The following VWC2L variants were observed in gnomAD, a reference collection of about 807,000 sequenced individuals.
VWC2L encodes the protein von Willebrand factor C domain-containing protein 2-like.
Under a neutral mutation model 21.6 loss-of-function variants are expected in VWC2L, and 10 were observed. The observed-to-expected ratio is 0.46, with a 90% CI of 0.29 to 0.78. The LOEUF (loss-of-function observed/expected upper bound fraction) is 0.78. Among genes scored for constraint, VWC2L ranks in the 30% least tolerant of loss-of-function variants. VWC2L has a pLI of 0.10. For synonymous variants in VWC2L, 96 were observed against 94.3 expected (o/e 1.02, Z -0.10); for missense variants, 209 against 277.1 (o/e 0.75, Z 1.74).
chr2:214,540,805 C>A (rs1258829610), intron 3 of VWC2L, among the ~76,000 whole-genome samples: 2 of 152,168 alleles, frequency 1.3e-5, no homozygotes, highest in African/African-American at 4.8e-5. Flanking sequence ...GGACTTGGGA[C>A]AGATTTCATG....
intron 2 of VWC2L, among the ~76,000 whole-genome samples, chr2:214,417,393 T>C (rs1403615903): frequency 6.6e-6 from 1 of 152,176 alleles, no homozygotes; most frequent in African/African-American, 2.4e-5. Context: ...GAAATCCCAA[T>C]ATAACTCCCA....
chr2:214,573,993 T>G lies in VWC2L; in HGVS notation c.521-1679T>G, dbSNP rs1035142173. Among the ~76,000 whole-genome samples the G allele has an allele frequency of 2.6e-5, 4 of 152,058 alleles. 1 individual carries two copies. The highest frequency in any genetic ancestry group is 1.3e-4 in the Admixed American group (2 of 15,244). On this transcript the variant is annotated intron_variant, in intron 3 of 3. Coordinates refer to ENST00000312504, the MANE Select transcript of VWC2L (RefSeq NM_001080500.4). ...TCATCTCTACTAAAAATACAAAAAA[T>G]TAGCCAGGTGTGATGGCGCTTGCCT...
chr2:214,479,309 A>G (rs866343943), intron 3 of VWC2L, among the ~76,000 whole-genome samples: 7 of 152,146 alleles, frequency 4.6e-5, no homozygotes, highest in Non-Finnish European at 7.4e-5. Context: ...TTTGATAGTC[A>G]TAGTGTTTAT....
At chr2:214,430,904 A>G (rs1702592440) in intron 2 of VWC2L, among the ~76,000 whole-genome samples, 1 of 152,196 alleles carries the variant, frequency 6.6e-6, no homozygotes. Flanking sequence ...CTTGATGTCC[A>G]TAATTTGATG....
At chr2:214,533,851 CAG>C (rs1434550709) in intron 3 of VWC2L, 1 of 152,174 alleles carries the variant, frequency 6.6e-6, no homozygotes, top group African/African-American at 2.4e-5. Context: ...TAACAGCAGT[CAG>C]AGTTTAGCCA....
At chr2:214,429,785 A>G (rs1702573075) in intron 2 of VWC2L, among the ~76,000 whole-genome samples, 1 of 152,004 alleles carries the variant, frequency 6.6e-6, no homozygotes, top group African/African-American at 2.4e-5. Flanking sequence ...ACTAAAGTAT[A>G]TTTTTAAAAC....
chr2:214,482,499 A>C (rs116476849), intron 3 of VWC2L, among the ~76,000 whole-genome samples: 1,800 of 150,914 alleles, frequency 0.012, 27 homozygotes, highest in African/African-American at 0.042. Flanking sequence ...ATGTATGTAT[A>C]TATATGTGTG....
intron 3 of VWC2L, among the ~76,000 whole-genome samples, chr2:214,529,420 C>G (rs1689397046): frequency 1.3e-5 from 2 of 152,136 alleles, no homozygotes; most frequent in Middle Eastern, 3.2e-3. Flanking sequence ...TGAACAGTTC[C>G]TGGTTCATGG....
At chr2:214,449,989 C>T (rs1024973103) in intron 3 of VWC2L, among the ~76,000 whole-genome samples, 1 of 152,104 alleles carries the variant, frequency 6.6e-6, no homozygotes. Context: ...AGATAGTTGG[C>T]AGTGTTGCGT....
Position 214,436,583 on chromosome 2 carries a change from C to A in VWC2L, c.391-46C>A, listed in dbSNP as rs1410922858. The A allele has an allele frequency of 1.9e-6, 3 of 1,604,284 alleles. No homozygotes were observed. In the African/African-American group the frequency reaches 4.0e-5, roughly 21 times the overall value. ...TTCTGACAGCATATGAATGTGCAAG[C>A]ATTAAGTTATAGGAGAAAAGGGGCT... On this transcript the variant is annotated intron_variant, in intron 2 of 3. Transcript: ENST00000312504.
At chr2:214,553,298 T>C (rs899426070) in intron 3 of VWC2L, among the ~76,000 whole-genome samples, 2 of 152,244 alleles carry the variant, frequency 1.3e-5, no homozygotes, top group Non-Finnish European at 2.9e-5. Flanking sequence ...TGATGGCCTA[T>C]GACACAGCCC....
chr2:214,515,439 A>C (rs2105908056), intron 3 of VWC2L, among the ~76,000 whole-genome samples: 1 of 152,358 alleles, frequency 6.6e-6, no homozygotes, highest in South Asian at 2.1e-4. Flanking sequence ...GTATCACAGC[A>C]TCTTCCTACT....
intron 3 of VWC2L, among the ~76,000 whole-genome samples, chr2:214,458,272 G>A (rs1326762638): frequency 3.9e-5 from 6 of 151,904 alleles, no homozygotes; most frequent in Admixed American, 3.3e-4. Flanking sequence ...TGTAGTATCA[G>A]TTGTAATGTT....
chr2:214,519,056 G>A (rs1689190090), intron 3 of VWC2L, among the ~76,000 whole-genome samples: 2 of 152,154 alleles, frequency 1.3e-5, no homozygotes, highest in Non-Finnish European at 2.9e-5. Flanking sequence ...TTTTCAGGTT[G>A]CTTATACAAA....
chr2:214,522,522 T>G (rs928206303), intron 3 of VWC2L, among the ~76,000 whole-genome samples: 4 of 152,154 alleles, frequency 2.6e-5, no homozygotes, highest in African/African-American at 9.7e-5. Flanking sequence ...AGAAGATGTT[T>G]CGTTACAGGC....
At chr2:214,516,675 AGCTGGGGAAGAAATGTATATAAAG>A (rs1462303576) in intron 3 of VWC2L, among the ~76,000 whole-genome samples, 2 of 150,898 alleles carry the variant, frequency 1.3e-5, no homozygotes, top group African/African-American at 4.9e-5. Flanking sequence ...AAAAAAAGGA[AGCTGGGGAAGAAATGTATATAAAG>A]CTAGTTCAAC....
rs1690225015 is a variant in VWC2L at position 214,576,089 on chromosome 2, A to C, written c.*269A>C. The C allele has an allele frequency of 4.6e-6, 1 of 218,732 alleles. No homozygotes were observed. The highest frequency in any genetic ancestry group is 8.9e-6 in the Non-Finnish European group (1 of 111,922). 13.5% of individuals were successfully genotyped at this position (218,732 alleles called of 1,614,324 possible). ...GACTTGACGACTGGATTGCTGGAAC[A>C]AAAAGAAAGAAATAGCCTTGCACAG... is the stretch of plus-strand genomic sequence containing the variant. On this transcript the variant is annotated 3_prime_UTR_variant, in exon 4 of 4. Transcript: ENST00000312504.
At chr2:214,501,913 G>A (rs1184260943) in intron 3 of VWC2L, among the ~76,000 whole-genome samples, 7 of 152,196 alleles carry the variant, frequency 4.6e-5, no homozygotes, top group African/African-American at 1.4e-4. Flanking sequence ...AAGAGAAGTG[G>A]GGAGTTGCAG....
At chr2:214,554,468 G>A (rs554059979) in intron 3 of VWC2L, among the ~76,000 whole-genome samples, 13 of 152,004 alleles carry the variant, frequency 8.6e-5, no homozygotes, top group East Asian at 3.9e-4. Context: ...GTTCAAGACC[G>A]GCCTGAATAA....
Sources: allele counts gnomAD v4.1 joint callset (sites outside exome capture counted in the v4.1 genomes callset), GRCh38; gene constraint gnomAD v4.1.1; transcripts MANE v1.5; gene names NCBI Gene and HGNC (gene_info 2026-07-23, HGNC 2026-07-21).